The following RNF216 variants were observed in gnomAD, a reference collection of about 807,000 sequenced individuals.
RNF216 encodes the protein E3 ubiquitin-protein ligase RNF216.
A neutral mutation model predicts 110.8 loss-of-function variants in RNF216; 72 were observed. The ratio of observed to expected loss-of-function variants is 0.65; its 90% confidence interval spans 0.54 to 0.79. RNF216 has a LOEUF of 0.79. Ranked by LOEUF, RNF216 falls within the 30% of genes least tolerant of loss-of-function variation. The probability of loss-of-function intolerance (pLI) is 0.00; values close to 1 mark genes in which losing one functional copy is unlikely to be tolerated. For synonymous variants in RNF216, 495 were observed against 407.5 expected (o/e 1.21, Z -2.59); for missense variants, 1,342 against 1,141.2 (o/e 1.18, Z -2.54).
At chr7:5,733,663 C>CAAAAAAAAAAAAAA (rs75175715) in intron 5 of RNF216, among the ~76,000 whole-genome samples, 1 of 113,794 alleles carries the variant, frequency 8.8e-6, no homozygotes. Flanking sequence ...AAACATTAAC[C>CAAAAAAAAAAAAAA]AAAAAAAAAA....
intron 14 of RNF216, among the ~76,000 whole-genome samples, chr7:5,652,011 T>C (rs1256989396): frequency 1.3e-5 from 2 of 152,200 alleles, no homozygotes; most frequent in Non-Finnish European, 2.9e-5. Flanking sequence ...GTAATGGTTA[T>C]TATTATCACA....
intron 3 of RNF216, among the ~76,000 whole-genome samples, chr7:5,744,465 G>T (rs1470100832): frequency 6.6e-6 from 1 of 152,002 alleles, no homozygotes; most frequent in Non-Finnish European, 1.5e-5. Flanking sequence ...AACAAGGGAG[G>T]GAAGGGAAGG....
chr7:5,626,335 G>C (rs1019537650), intron 15 of RNF216, among the ~76,000 whole-genome samples: 1 of 151,368 alleles, frequency 6.6e-6, no homozygotes, highest in African/African-American at 2.4e-5. Context: ...TATCAAGGTA[G>C]ATGCTATCAA....
intron 9 of RNF216, among the ~76,000 whole-genome samples, chr7:5,720,728 G>A (rs1793367264): frequency 6.6e-6 from 1 of 152,074 alleles, no homozygotes; most frequent in African/African-American, 2.4e-5. Context: ...CATTCCAGCT[G>A]ACTTGCACAT....
chr7:5,702,798 C>G (rs1792051945), intron 13 of RNF216, among the ~76,000 whole-genome samples: 1 of 152,122 alleles, frequency 6.6e-6, no homozygotes, highest in Admixed American at 6.5e-5. Flanking sequence ...GTTAAAAATC[C>G]TGAAGCCTCC....
chr7:5,763,177 G>C (rs1217756614), intron 1 of RNF216, among the ~76,000 whole-genome samples: 1 of 151,994 alleles, frequency 6.6e-6, no homozygotes, highest in Non-Finnish European at 1.5e-5. Flanking sequence ...ATGAGGGAGT[G>C]GGTAGATTAA....
intron 1 of RNF216, among the ~76,000 whole-genome samples, chr7:5,780,979 C>G (rs1337782495): frequency 6.6e-6 from 1 of 152,228 alleles, no homozygotes; most frequent in East Asian, 1.9e-4. Flanking sequence ...ACACCCGAGC[C>G]GGGCCAGCCC....
intron 13 of RNF216, among the ~76,000 whole-genome samples, chr7:5,660,612 G>C (rs953800030): frequency 2.0e-5 from 3 of 151,466 alleles, no homozygotes; most frequent in African/African-American, 7.3e-5. Context: ...GGGTCTCACT[G>C]TGTCACCCAG....
chr7:5,779,349 G>C (rs1204073006), intron 1 of RNF216, among the ~76,000 whole-genome samples: 5 of 152,046 alleles, frequency 3.3e-5, no homozygotes, highest in Non-Finnish European at 7.4e-5. Flanking sequence ...AGGTTTGCCA[G>C]GGGGTCCAAA....
intron 1 of RNF216, among the ~76,000 whole-genome samples, chr7:5,772,590 G>C (rs1420048876): frequency 6.6e-6 from 1 of 152,114 alleles, no homozygotes; most frequent in Admixed American, 6.6e-5. Flanking sequence ...CTCAGAGGCA[G>C]TAAGCCCCAG....
At chr7:5,743,174 T>C (rs1471510157) in intron 3 of RNF216, among the ~76,000 whole-genome samples, 4 of 152,084 alleles carry the variant, frequency 2.6e-5, no homozygotes, top group South Asian at 2.1e-4. Flanking sequence ...CGGAGCAGAA[T>C]TGCTTGAACC....
At chr7:5,775,657 G>T (rs915898105) in intron 1 of RNF216, among the ~76,000 whole-genome samples, 1 of 152,018 alleles carries the variant, frequency 6.6e-6, no homozygotes, top group Non-Finnish European at 1.5e-5. Flanking sequence ...ATTATTTGAG[G>T]TCAGGAGTTC....
chr7:5,706,889 T>C (rs1792325089), intron 13 of RNF216, among the ~76,000 whole-genome samples: 1 of 152,240 alleles, frequency 6.6e-6, no homozygotes, highest in African/African-American at 2.4e-5. Flanking sequence ...TTCTAGTTTT[T>C]ATAGTTTCAG....
intron 9 of RNF216, among the ~76,000 whole-genome samples, chr7:5,719,312 G>T (rs1321286564): frequency 6.6e-6 from 1 of 152,214 alleles, no homozygotes; most frequent in East Asian, 1.9e-4. Context: ...GAGGTAGGTT[G>T]AAGCAGTAAG....
At chr7:5,702,227 G>A (rs985219763) in intron 13 of RNF216, among the ~76,000 whole-genome samples, 3 of 152,290 alleles carry the variant, frequency 2.0e-5, no homozygotes, top group East Asian at 3.9e-4. Flanking sequence ...GAGGGAGTGG[G>A]AGTGGCAGCA....
intron 8 of RNF216, among the ~76,000 whole-genome samples, chr7:5,722,369 G>GTT (rs36102190): frequency 0.01 from 1,436 of 143,476 alleles, 10 homozygotes; most frequent in Middle Eastern, 0.025. Context: ...TCATTCTCAT[G>GTT]TTTTTTTTTT....
chr7:5,650,823 A>T (rs1280320615), intron 14 of RNF216, among the ~76,000 whole-genome samples: 1 of 152,204 alleles, frequency 6.6e-6, no homozygotes, highest in Non-Finnish European at 1.5e-5. Context: ...ACCAAGGGCA[A>T]ATCACATGGG....
At chr7:5,687,353 G>A (rs1011847717) in intron 13 of RNF216, among the ~76,000 whole-genome samples, 3 of 134,354 alleles carry the variant, frequency 2.2e-5, no homozygotes, top group East Asian at 2.2e-4. Context: ...CTGAGACTGC[G>A]TCACTGCTCC....
chr7:5,761,995 C>T (rs6971918), intron 1 of RNF216, among the ~76,000 whole-genome samples: 69,728 of 151,898 alleles, frequency 0.46, 16,657 homozygotes, highest in Admixed American at 0.53. Flanking sequence ...GCTAAAGAAA[C>T]CTCTGTGTGT....
Sources: allele counts gnomAD v4.1 joint callset (sites outside exome capture counted in the v4.1 genomes callset), GRCh38; gene constraint gnomAD v4.1.1; transcripts MANE v1.5; gene names NCBI Gene and HGNC (gene_info 2026-07-23, HGNC 2026-07-21).